The following ANO3 variants were observed in gnomAD, a reference collection of about 807,000 sequenced individuals.
ANO3 encodes the protein anoctamin 3, also known as anoctamin-3.
ANO3 carries 99 observed loss-of-function variants against 144.8 expected under a neutral mutation model. That is an observed-to-expected ratio of 0.68 (90% CI 0.58 to 0.81). The LOEUF is 0.81. ANO3 is among the 30% of genes least tolerant of loss of function. ANO3 has a pLI of 0.00. For missense variants in ANO3, 905 were observed against 1,202.2 expected, an observed-to-expected ratio of 0.75 and a Z score of 3.66; for synonymous variants, 414 against 392.6, an observed-to-expected ratio of 1.05 and a Z score of -0.64.
chr11:26,509,557 C>T (rs918219832), intron 5 of ANO3, among the ~76,000 whole-genome samples: 1 of 152,074 alleles, frequency 6.6e-6, no homozygotes, highest in African/African-American at 2.4e-5. Flanking sequence ...AAGTGATCTG[C>T]CCACTTCAGC....
intron 1 of ANO3, among the ~76,000 whole-genome samples, chr11:26,373,021 G>A (rs1322818042): frequency 2.0e-5 from 3 of 152,000 alleles, no homozygotes; most frequent in Non-Finnish European, 4.4e-5. Context: ...TACAACTTTT[G>A]TCACATTGGT....
intron 1 of ANO3, among the ~76,000 whole-genome samples, chr11:26,229,880 G>T: frequency 6.6e-6 from 1 of 152,154 alleles, no homozygotes; most frequent in Non-Finnish European, 1.5e-5. Flanking sequence ...TGAATAAAAG[G>T]ATAACAGTTA....
chr11:26,593,125 A>AT (rs1328482689), intron 14 of ANO3, among the ~76,000 whole-genome samples: 1 of 152,076 alleles, frequency 6.6e-6, no homozygotes, highest in Non-Finnish European at 1.5e-5. Context: ...TAGTCTCCTA[A>AT]TGGCTTCCTG....
Position 26,209,664 on chromosome 11 carries a change from C to G in ANO3, c.154+20334C>G, listed in dbSNP as rs985161360. Among the ~76,000 whole-genome samples, 23 of 152,160 alleles carry G rather than the reference C, an allele frequency of 1.5e-4. 1 individual carries two copies. The highest frequency in any genetic ancestry group is 1.1e-3 in the Admixed American group (17 of 15,264). On this transcript the variant is annotated intron_variant, in intron 1 of 27. Transcript: ENST00000672621. Reference sequence around the variant, plus strand: ...TTCTCCAACATCTGTTTATTCCTGACTTTTGAATGATCACCATTCTAACTG... The same window carrying G: ...TTCTCCAACATCTGTTTATTCCTGAGTTTTGAATGATCACCATTCTAACTG...
intron 1 of ANO3, among the ~76,000 whole-genome samples, chr11:26,293,958 C>T (rs1854026412): frequency 6.6e-6 from 1 of 152,022 alleles, no homozygotes; most frequent in Non-Finnish European, 1.5e-5. Flanking sequence ...ATAGTTTTGT[C>T]GCTTTTTTGC....
At chr11:26,607,127 T>A (rs372621020) in intron 17 of ANO3, among the ~76,000 whole-genome samples, 56 of 152,356 alleles carry the variant, frequency 3.7e-4, no homozygotes, top group African/African-American at 1.3e-3. Flanking sequence ...CTCTTCTGGC[T>A]TGTAGGATTT....
At chr11:26,442,867 A>C (rs1355192771) in intron 2 of ANO3, among the ~76,000 whole-genome samples, 2 of 152,094 alleles carry the variant, frequency 1.3e-5, no homozygotes, top group African/African-American at 4.8e-5. Context: ...CCCGGGTTCA[A>C]GTGATTCTCT....
chr11:26,427,968 A>G (rs1040784533), intron 1 of ANO3, among the ~76,000 whole-genome samples: 23 of 152,104 alleles, frequency 1.5e-4, no homozygotes, highest in African/African-American at 5.1e-4. Flanking sequence ...CCATGATTCT[A>G]TTACCTCCCA....
At chr11:26,644,540 C>T (rs1177073300) in intron 23 of ANO3, among the ~76,000 whole-genome samples, 1 of 152,070 alleles carries the variant, frequency 6.6e-6, no homozygotes, top group African/African-American at 2.4e-5. Flanking sequence ...GCAGCATGTT[C>T]TCCAGAAATG....
chr11:26,314,619 A>G (rs938555702), intron 1 of ANO3, among the ~76,000 whole-genome samples: 2 of 152,086 alleles, frequency 1.3e-5, no homozygotes, highest in Admixed American at 6.6e-5. Flanking sequence ...CTTCTTCTGT[A>G]TATTAGTTTC....
intron 1 of ANO3, among the ~76,000 whole-genome samples, chr11:26,358,143 T>C (rs1004858686): frequency 2.0e-5 from 3 of 151,462 alleles, no homozygotes; most frequent in African/African-American, 2.4e-5. Flanking sequence ...CTGTGTTTTT[T>C]ACATGAAGCT....
intron 1 of ANO3, among the ~76,000 whole-genome samples, chr11:26,351,070 CCT>C (rs1855633362): frequency 6.6e-6 from 1 of 152,112 alleles, no homozygotes; most frequent in South Asian, 2.1e-4. Flanking sequence ...CCTTCAGATA[CCT>C]CTTTGTTCAA....
intron 1 of ANO3, among the ~76,000 whole-genome samples, chr11:26,288,997 A>G (rs111708900): frequency 0.065 from 9,878 of 152,116 alleles, 1,040 homozygotes; most frequent in African/African-American, 0.22. Context: ...GTGTGACTTT[A>G]CTCTATTTAA....
chr11:26,598,508 C>T, intron 15 of ANO3, 61 bp downstream of exon 15: 3 of 1,181,036 alleles, frequency 2.5e-6, no homozygotes, highest in Non-Finnish European at 2.4e-6. Flanking sequence ...TGGAAAATTA[C>T]TGCCCTAGCA....
intron 11 of ANO3, among the ~76,000 whole-genome samples, chr11:26,544,510 A>G (rs1849737439): frequency 6.6e-6 from 1 of 151,252 alleles, no homozygotes; most frequent in Non-Finnish European, 1.5e-5. Flanking sequence ...GAATAAGTTC[A>G]AGAGATCTAT....
chr11:26,208,512 C>CAAAAAAAAA (rs67196052), intron 1 of ANO3, among the ~76,000 whole-genome samples: 1,506 of 121,378 alleles, frequency 0.012, 13 homozygotes, highest in East Asian at 0.1. Flanking sequence ...GACTCCGTCT[C>CAAAAAAAAA]AAAAAAAAAA....
intron 17 of ANO3, among the ~76,000 whole-genome samples, chr11:26,612,070 C>T (rs931540423): frequency 6.6e-6 from 1 of 151,980 alleles, no homozygotes; most frequent in African/African-American, 2.4e-5. Context: ...TACTCAGTAT[C>T]TTTTAATTGG....
chr11:26,377,068 G>C (rs539971598), intron 1 of ANO3, among the ~76,000 whole-genome samples: 7 of 152,122 alleles, frequency 4.6e-5, no homozygotes, highest in Non-Finnish European at 1.0e-4. Flanking sequence ...ATTTATAGTA[G>C]CCATTGGTTG....
chr11:26,269,487 C>T (rs59132731), intron 1 of ANO3, among the ~76,000 whole-genome samples: 6,204 of 152,224 alleles, frequency 0.041, 176 homozygotes, highest in East Asian at 0.12. Flanking sequence ...CCTAGACTAG[C>T]GTTACTCCAT....
Sources: allele counts gnomAD v4.1 joint callset (sites outside exome capture counted in the v4.1 genomes callset), GRCh38; gene constraint gnomAD v4.1.1; transcripts MANE v1.5; gene names NCBI Gene and HGNC (gene_info 2026-07-23, HGNC 2026-07-21).